PCSK5: variants seen among roughly 807,000 people sequenced by gnomAD.
PCSK5 encodes the protein prohormone convertase 5.
PCSK5 carries 129 observed loss-of-function variants against 233.2 expected under a neutral mutation model. That is an observed-to-expected ratio of 0.55 (90% CI 0.48 to 0.64). The LOEUF (loss-of-function observed/expected upper bound fraction) is 0.64, where lower values mean the gene tolerates loss of function less well. Among genes scored for constraint, PCSK5 ranks in the 30% least tolerant of loss-of-function variants. The probability of loss-of-function intolerance (pLI) is 0.00; values close to 1 mark genes in which losing one functional copy is unlikely to be tolerated. For missense variants in PCSK5, 2,076 were observed against 2,430.1 expected (o/e 0.85, Z 3.06); for synonymous variants, 825 against 879.2 (o/e 0.94, Z 1.09).
intron 3 of PCSK5, among the ~76,000 whole-genome samples, chr9:76,010,685 G>T (rs1189212961): frequency 6.6e-6 from 1 of 152,190 alleles, no homozygotes; most frequent in African/African-American, 2.4e-5. Context: ...ACATGAGGAT[G>T]TTTTGGACTT....
Position 75,950,148 on chromosome 9 carries a change from G to T in PCSK5, c.297+17665G>T, listed in dbSNP as rs1353011847. 2.3e-3 allele frequency among the ~76,000 whole-genome samples: 191 copies of T among 83,124 alleles called. 24 individuals are homozygous for T. Among genetic ancestry groups the T allele is most frequent in the Middle Eastern group, 0.014 (3 of 220 alleles). 54.5% of individuals were successfully genotyped at this position (83,124 alleles called of 152,430 possible). A position where few individuals can be genotyped will look rare whatever the true frequency, so the allele number is the denominator to read the frequency against. On this transcript the variant is annotated intron_variant, in intron 2 of 37. Coordinates refer to ENST00000674117, the MANE Select transcript of PCSK5 (RefSeq NM_001372043.1). ...GGACACACTTGTGTGTGTGTGTGGG[G>T]GGGGCGGGGAGGGGGGAACTGCTAC...
chr9:76,333,776 G>A (rs577687070), intron 34 of PCSK5, among the ~76,000 whole-genome samples: 10 of 152,128 alleles, frequency 6.6e-5, no homozygotes, highest in Admixed American at 2.0e-4. Context: ...ACATCTCTTC[G>A]GTCCTATAGC....
In PCSK5 at chr9:75,934,762, A is replaced by T. The variant is rs534761437; in HGVS notation, c.297+2279A>T. ...ACCCCTGGCTAATTTTTGTATTATTAGTAGAGATGGGGTTTCACCATGCTG... is the reference window on the plus strand; with the variant it reads ...ACCCCTGGCTAATTTTTGTATTATTTGTAGAGATGGGGTTTCACCATGCTG... On this transcript the variant is annotated intron_variant, in intron 2 of 37. Coordinates refer to ENST00000674117, the MANE Select transcript of PCSK5 (RefSeq NM_001372043.1). 3.9e-5 allele frequency among the ~76,000 whole-genome samples: 6 copies of T among 151,912 alleles called. No homozygotes were observed. In the South Asian group the frequency reaches 1.3e-3, roughly 32 times the overall value.
intron 20 of PCSK5, among the ~76,000 whole-genome samples, chr9:76,192,950 A>G (rs1824482204): frequency 6.6e-6 from 1 of 150,788 alleles, no homozygotes; most frequent in Non-Finnish European, 1.5e-5. Context: ...TGCTTGTGTT[A>G]TTAATTGATT....
intron 9 of PCSK5, among the ~76,000 whole-genome samples, chr9:76,128,100 G>C (rs1321212915): frequency 6.6e-6 from 1 of 152,166 alleles, no homozygotes; most frequent in East Asian, 1.9e-4. Flanking sequence ...GCCTAGAACT[G>C]CATAATTTAT....
At chr9:75,954,679 GA>G (rs1825014522) in intron 2 of PCSK5, among the ~76,000 whole-genome samples, 1 of 152,108 alleles carries the variant, frequency 6.6e-6, no homozygotes. Flanking sequence ...GAGACATCAG[GA>G]AAACCAAGGG....
chr9:76,181,448 G>A lies in PCSK5; in HGVS notation c.2054G>A (p.Arg685His), dbSNP rs376237256. Residue 685 changes from arginine to histidine, a missense_variant, in exon 16 of 38, where the codon CGC becomes CAC. By Grantham distance (29) the Arg-to-His change is conservative. This residue lies in a region of PCSK5 where 1,510 missense variants were observed against 1,538.1 expected (regional missense o/e 0.98). Coordinates refer to ENST00000674117, the MANE Select transcript of PCSK5 (RefSeq NM_001372043.1). ...PPGHYHADKKRCRKCAPNCES... is the reference protein window; with the variant it reads ...PPGHYHADKKHCRKCAPNCES... Reference sequence around the variant, plus strand: ...GGCCACTACCACGCCGACAAGAAGCGCTGCAGGAAGTGTGCCCCCAACTGT... The same window carrying A: ...GGCCACTACCACGCCGACAAGAAGCACTGCAGGAAGTGTGCCCCCAACTGT... 19 of 1,613,914 alleles carry A rather than the reference G, an allele frequency of 1.2e-5. No individual in the cohort carries two copies. The African/African-American group carries it at 1.6e-4, about 14-fold the overall frequency.
chr9:76,328,248 C>A lies in PCSK5; in HGVS notation c.4570+9C>A, dbSNP rs1430553793. The A allele has an allele frequency of 6.3e-7, 1 of 1,588,518 alleles. No individual in the cohort carries two copies. The highest frequency in any genetic ancestry group is 1.1e-5 in the South Asian group (1 of 90,622). On this transcript the variant is annotated intron_variant, in intron 33 of 37. Coordinates refer to ENST00000674117, the MANE Select transcript of PCSK5 (RefSeq NM_001372043.1). Reference sequence around the variant, plus strand: ...GAACAGCCTTCTTCTCAGTGAGTTACTTCTCCGAGGACAGCTTTGTGTTTC... The same window carrying A: ...GAACAGCCTTCTTCTCAGTGAGTTAATTCTCCGAGGACAGCTTTGTGTTTC...
chr9:76,173,930 T>C (rs1180982770), intron 13 of PCSK5, among the ~76,000 whole-genome samples: 1 of 151,896 alleles, frequency 6.6e-6, no homozygotes, highest in African/African-American at 2.4e-5. Flanking sequence ...GCCTAGATCA[T>C]GCCATTGCAC....
intron 12 of PCSK5, 103 bp from the exon 13 acceptor site, chr9:76,169,601 C>A (rs963063741): frequency 1.9e-6 from 2 of 1,045,176 alleles, no homozygotes; most frequent in Non-Finnish European, 2.9e-6. Context: ...TAGTGCCCAG[C>A]TGAACTTGCT....
chr9:76,315,928 GTTTTTTT>G (rs71499141), intron 30 of PCSK5, among the ~76,000 whole-genome samples: 3 of 91,798 alleles, frequency 3.3e-5, no homozygotes, highest in Non-Finnish European at 4.2e-5. Flanking sequence ...CACTTCAAGG[GTTTTTTT>G]TTTTTTTTTT....
At chr9:76,271,362 C>T (rs1827506163) in intron 24 of PCSK5, among the ~76,000 whole-genome samples, 1 of 152,216 alleles carries the variant, frequency 6.6e-6, no homozygotes, top group Non-Finnish European at 1.5e-5. Flanking sequence ...AGTTCCTTCT[C>T]CCAAACTCAC....
chr9:75,892,595 G>A (rs1008301372), intron 1 of PCSK5, among the ~76,000 whole-genome samples: 3 of 152,222 alleles, frequency 2.0e-5, no homozygotes, highest in African/African-American at 4.8e-5. Context: ...GTGCTGGCTG[G>A]TGCCGGCGGA....
intron 5 of PCSK5, among the ~76,000 whole-genome samples, chr9:76,032,445 A>G (rs1023777100): frequency 2.0e-5 from 3 of 152,168 alleles, no homozygotes; most frequent in Admixed American, 1.3e-4. Flanking sequence ...TATGCAAATC[A>G]TCTCTTAGAC....
At chr9:76,070,895 T>TA (rs1419324740) in intron 6 of PCSK5, among the ~76,000 whole-genome samples, 2 of 152,308 alleles carry the variant, frequency 1.3e-5, no homozygotes, top group South Asian at 4.1e-4. Flanking sequence ...TTTTAAATGA[T>TA]ACAGTGTTTC....
chr9:76,150,803 A>G (rs1006047042), intron 10 of PCSK5, among the ~76,000 whole-genome samples: 1 of 152,178 alleles, frequency 6.6e-6, no homozygotes, highest in Non-Finnish European at 1.5e-5. Context: ...GCACTGAAAT[A>G]TAAGAGTACG....
intron 7 of PCSK5, among the ~76,000 whole-genome samples, chr9:76,083,875 C>T (rs960373043): frequency 2.6e-5 from 4 of 152,102 alleles, no homozygotes; most frequent in Non-Finnish European, 5.9e-5. Flanking sequence ...TAATTCCATC[C>T]AGGAGGGATA....
At chr9:76,266,691 C>A (rs1022136026) in intron 24 of PCSK5, among the ~76,000 whole-genome samples, 1 of 152,184 alleles carries the variant, frequency 6.6e-6, no homozygotes, top group Non-Finnish European at 1.5e-5. Flanking sequence ...AGAATAAACA[C>A]TCACAGACTT....
In PCSK5 at chr9:75,915,148, A is replaced by G. The variant is rs571092329; in HGVS notation, c.193-17231A>G. ...GGCATGCATAGTGATGACTTTTCCA[A>G]GTAGGAATCTGACCGTGTTATAATG... is the stretch of plus-strand genomic sequence containing the variant. On this transcript the variant is annotated intron_variant, in intron 1 of 37. Transcript: ENST00000674117. 4.6e-5 allele frequency among the ~76,000 whole-genome samples: 7 copies of G among 152,316 alleles called. No individual in the cohort carries two copies. In the South Asian group the frequency reaches 1.2e-3, roughly 27 times the overall value.
Sources: allele counts gnomAD v4.1 joint callset (sites outside exome capture counted in the v4.1 genomes callset), GRCh38; gene constraint gnomAD v4.1.1; regional missense constraint gnomAD v4.1.1; transcripts MANE v1.5; gene names NCBI Gene and HGNC (gene_info 2026-07-23, HGNC 2026-07-21).